Variants in NFATC2 observed in about 807,000 individuals in gnomAD.
NFATC2 encodes the protein nuclear factor of activated T-cells, cytoplasmic 2.
In NFATC2, 22 loss-of-function variants were observed where a neutral mutation model predicts 87.3. That is an observed-to-expected ratio of 0.25 (90% confidence interval 0.18 to 0.36). The LOEUF (loss-of-function observed/expected upper bound fraction) is 0.36. NFATC2 is among the 10% of genes least tolerant of loss of function. The probability of loss-of-function intolerance (pLI) is 1.00; values close to 1 mark genes in which losing one functional copy is unlikely to be tolerated. For missense variants in NFATC2, 1,149 were observed against 1,259.1 expected, an observed-to-expected ratio of 0.91 and a Z score of 1.32; for synonymous variants, 565 against 542.2, an observed-to-expected ratio of 1.04 and a Z score of -0.58.
At chr20:51,434,146 C>A (rs1044632841) in intron 8 of NFATC2, among the ~76,000 whole-genome samples, 1 of 152,158 alleles carries the variant, frequency 6.6e-6, no homozygotes, top group Non-Finnish European at 1.5e-5. Flanking sequence ...AGTGTCCTCA[C>A]AAGGGTCAAC....
chr20:51,453,059 C>T (rs942552899), intron 6 of NFATC2: 2 of 154,732 alleles, frequency 1.3e-5, no homozygotes, highest in African/African-American at 4.8e-5. Context: ...CGACCCATCC[C>T]TGCATCTCCC....
At chr20:51,512,993 T>C (rs976089861) in intron 3 of NFATC2, among the ~76,000 whole-genome samples, 5 of 152,082 alleles carry the variant, frequency 3.3e-5, no homozygotes, top group Non-Finnish European at 7.4e-5. Context: ...CCTCTTAAAG[T>C]CCACTCTTTT....
At chr20:51,397,431 A>G (rs1346319346) in intron 10 of NFATC2, among the ~76,000 whole-genome samples, 1 of 152,160 alleles carries the variant, frequency 6.6e-6, no homozygotes, top group Non-Finnish European at 1.5e-5. Flanking sequence ...ATCCCCTCCC[A>G]GGCCACGCTG....
Position 51,435,663 on chromosome 20 carries a change from C to G in NFATC2, c.1905+43G>C, listed in dbSNP as rs755550930. On this transcript the variant is annotated intron_variant, in intron 7 of 10. Coordinates refer to ENST00000371564, the MANE Select transcript of NFATC2 (RefSeq NM_012340.5). ...AAGGAAAGAGCATGAAAGAGGGAAA[C>G]GTGAGGGGGATTGAGAGACACTCAG... 8 of 1,584,560 alleles carry G rather than the reference C, an allele frequency of 5.0e-6. No homozygotes were observed. In the East Asian group the frequency reaches 1.6e-4, roughly 31 times the overall value.
At chr20:51,440,917 G>C (rs1011639831) in intron 6 of NFATC2, among the ~76,000 whole-genome samples, 1 of 152,222 alleles carries the variant, frequency 6.6e-6, no homozygotes, top group Non-Finnish European at 1.5e-5. Context: ...CACAAGTCCT[G>C]GGCTTTCGCC....
At chr20:51,438,039 C>T (rs1051600799) in intron 6 of NFATC2, among the ~76,000 whole-genome samples, 5 of 152,216 alleles carry the variant, frequency 3.3e-5, no homozygotes, top group Non-Finnish European at 7.3e-5. Context: ...AAGGGAAGAT[C>T]GCTGGATGGA....
intron 1 of NFATC2, among the ~76,000 whole-genome samples, chr20:51,561,288 G>C (rs1289419498): frequency 2.2e-5 from 3 of 137,600 alleles, no homozygotes; most frequent in Admixed American, 1.6e-4. Flanking sequence ...AAAGCACACC[G>C]TTTACCTAAC....
At chr20:51,439,347 G>A (rs1011188809) in intron 6 of NFATC2, among the ~76,000 whole-genome samples, 1 of 152,222 alleles carries the variant, frequency 6.6e-6, no homozygotes, top group African/African-American at 2.4e-5. Flanking sequence ...AGAGAGGCAA[G>A]AGCACAGGCC....
intron 1 of NFATC2, among the ~76,000 whole-genome samples, chr20:51,535,181 C>T (rs961425741): frequency 6.6e-6 from 1 of 152,172 alleles, no homozygotes; most frequent in Non-Finnish European, 1.5e-5. Flanking sequence ...AGATAATCCT[C>T]CTGCAACAGG....
rs777188685 is a variant in NFATC2, at chr20:51,523,227, C to G, written c.1014G>C (p.Lys338Asn). 6.2e-7 allele frequency: 1 copy of G among 1,613,756 alleles called. No homozygotes were observed. The highest frequency in any genetic ancestry group is 8.5e-7 in the Non-Finnish European group (1 of 1,179,808). The change falls in exon 2 of 11, where the codon AAG (lysine) becomes AAC (asparagine). Residue 338 changes from lysine to asparagine, a missense_variant. Lys to Asn is a moderately conservative substitution (Grantham distance 94). Coordinates refer to ENST00000371564, the MANE Select transcript of NFATC2 (RefSeq NM_012340.5). The surrounding 1 kb of genome is among the most constrained non-coding windows in gnomAD (Gnocchi z 6.9). Reference protein sequence around the residue: ...DPSPVSAAPSKAGLPRHIYPA... With the variant: ...DPSPVSAAPSNAGLPRHIYPA... Reference sequence around the variant, plus strand: ...GGTAGATGTGGCGAGGCAGGCCGGCCTTGGATGGGGCGGCAGACACCGGCG... The same window carrying G: ...GGTAGATGTGGCGAGGCAGGCCGGCGTTGGATGGGGCGGCAGACACCGGCG...
intron 10 of NFATC2, among the ~76,000 whole-genome samples, chr20:51,398,283 C>T (rs1293299923): frequency 6.6e-5 from 10 of 152,056 alleles, no homozygotes; most frequent in Admixed American, 5.2e-4. Context: ...TGCCGGACAC[C>T]CACCACGGAT....
chr20:51,424,374 G>C (rs1048028170), intron 9 of NFATC2, among the ~76,000 whole-genome samples: 2 of 152,168 alleles, frequency 1.3e-5, no homozygotes, highest in African/African-American at 2.4e-5. Context: ...GCTCACAACT[G>C]ACAAGGAAGA....
At chr20:51,423,670 G>A (rs1435035224) in intron 9 of NFATC2, among the ~76,000 whole-genome samples, 2 of 152,190 alleles carry the variant, frequency 1.3e-5, no homozygotes, top group Non-Finnish European at 2.9e-5. Context: ...AAACAATTCA[G>A]AACAATTAAA....
chr20:51,512,178 G>A (rs1481017987), intron 3 of NFATC2, among the ~76,000 whole-genome samples: 1 of 152,028 alleles, frequency 6.6e-6, no homozygotes, highest in Non-Finnish European at 1.5e-5. Context: ...CCTCCTCAAC[G>A]AGACACTCTT....
At chr20:51,504,999 C>CT (rs34489487) in intron 3 of NFATC2, among the ~76,000 whole-genome samples, 3,720 of 72,502 alleles carry the variant, frequency 0.051, 883 homozygotes, top group African/African-American at 0.064. Context: ...TATCTAGTTC[C>CT]TTTTTTTTTT....
Position 51,474,625 on chromosome 20 carries a change from A to C in NFATC2, c.1536-473T>G, listed in dbSNP as rs1568663292. Among the ~76,000 whole-genome samples the C allele has an allele frequency of 2.0e-5, 3 of 152,256 alleles. 1 individual carries two copies. Among genetic ancestry groups the C allele is most frequent in the Middle Eastern group, 6.3e-3 (2 of 316 alleles). The stretch of plus-strand genomic sequence containing the variant: ...GAAAAAACGGAGAGGTGGGAAAGAA[A>C]GTGCTGGAGCACAGGTGAAGCATGT... On this transcript the variant is annotated intron_variant, in intron 4 of 10. Coordinates refer to ENST00000371564, the MANE Select transcript of NFATC2 (RefSeq NM_012340.5).
intron 6 of NFATC2, among the ~76,000 whole-genome samples, chr20:51,449,217 G>A (rs1233484638): frequency 6.6e-6 from 1 of 152,190 alleles, no homozygotes; most frequent in Non-Finnish European, 1.5e-5. Flanking sequence ...AATGTCCATG[G>A]AGATGGGAAC....
intron 5 of NFATC2, among the ~76,000 whole-genome samples, chr20:51,466,671 T>C (rs182553872): frequency 2.3e-4 from 35 of 152,262 alleles, no homozygotes; most frequent in Non-Finnish European, 5.9e-5. Context: ...CTTTGCTACC[T>C]TCAGATAGGC....
chr20:51,457,796 C>A (rs1266057458), intron 5 of NFATC2, among the ~76,000 whole-genome samples: 1 of 151,960 alleles, frequency 6.6e-6, no homozygotes, highest in Non-Finnish European at 1.5e-5. Flanking sequence ...GATTCTTGCG[C>A]ACTATCAAGT....
Sources: allele counts gnomAD v4.1 joint callset (sites outside exome capture counted in the v4.1 genomes callset), GRCh38; gene constraint gnomAD v4.1.1; non-coding constraint Gnocchi (gnomAD v3.1); transcripts MANE v1.5; gene names NCBI Gene and HGNC (gene_info 2026-07-23, HGNC 2026-07-21).